Variants in LPIN1 observed in about 807,000 individuals in gnomAD.
The protein encoded by LPIN1 is lipin 1, also known as phosphatidate phosphatase LPIN1.
A neutral mutation model predicts 107.5 loss-of-function variants in LPIN1; 71 were observed. The ratio of observed to expected loss-of-function variants is 0.66; its 90% CI spans 0.55 to 0.80. LPIN1 has a LOEUF of 0.80. Among genes scored for constraint, LPIN1 ranks in the 30% least tolerant of loss-of-function variants. The pLI, the probability that LPIN1 is intolerant of heterozygous loss-of-function variation, is 0.00. For synonymous variants in LPIN1, 445 were observed against 452.6 expected (o/e 0.98, Z 0.21); for missense variants, 1,043 against 1,160.6 (o/e 0.90, Z 1.47).
chr2:11,713,651 AGAGTTCAGT>A (rs922677804), intron 1 of LPIN1: 1 of 644,224 alleles, frequency 1.6e-6, no homozygotes, highest in African/African-American at 1.8e-5. Context: ...TTCAAAATGT[AGAGTTCAGT>A]GAGTTTTTAG....
Position 11,784,914 on chromosome 2 carries a change from G to T in LPIN1, c.1387G>T (p.Ala463Ser), listed in dbSNP as rs749289176. 3.7e-6 allele frequency: 6 copies of T among 1,613,840 alleles called. No individual in the cohort carries two copies. The South Asian group carries it at 5.5e-5, about 15-fold the overall frequency. ...NGDPSGLAKHASDNGARSANQ... is the reference protein window; with the variant it reads ...NGDPSGLAKHSSDNGARSANQ... ...AGATCCTTCCGGACTCGCAAAACAT[G>T]CAAGCGACAACGGAGCCCGGTCAGC... is the stretch of plus-strand genomic sequence containing the variant. Residue 463 changes from alanine to serine, a missense_variant, in exon 10 of 21, where the codon GCA becomes TCA. Physicochemically the swap from Ala to Ser is moderately conservative, Grantham distance 99. Transcript: ENST00000674199.
intron 15 of LPIN1, 24 bp from the exon 16 acceptor site, chr2:11,804,399 A>C: frequency 6.2e-7 from 1 of 1,614,036 alleles, no homozygotes; most frequent in Non-Finnish European, 8.5e-7. Flanking sequence ...AAGCAGACAA[A>C]TACTAATGGT....
At chr2:11,748,803 G>C (rs1389726737) in intron 1 of LPIN1, among the ~76,000 whole-genome samples, 1 of 152,216 alleles carries the variant, frequency 6.6e-6, no homozygotes, top group Non-Finnish European at 1.5e-5. Context: ...AGGGGTACAG[G>C]CAGCTTTTTC....
intron 1 of LPIN1, among the ~76,000 whole-genome samples, chr2:11,727,643 T>G (rs1664792253): frequency 6.6e-6 from 1 of 152,230 alleles, no homozygotes; most frequent in Non-Finnish European, 1.5e-5. Context: ...TACATCCGTC[T>G]TATCTATTAT....
In LPIN1 at chr2:11,707,488, A is replaced by G. The variant is rs1340292922; in HGVS notation, c.82-6268A>G. ...ACTGAGCAGACCGGGGAGCACGGGA[A>G]GTTTTGAGCTGAGGAGTGGTGTGAT... On this transcript the variant is annotated intron_variant, in intron 1 of 21. Transcript: ENST00000449576. The surrounding 1 kb of genome is among the most constrained non-coding windows in gnomAD (Gnocchi z 4.2). 6.6e-6 allele frequency among the ~76,000 whole-genome samples: 1 copy of G among 152,184 alleles called. No homozygotes were observed. Among genetic ancestry groups the G allele is most frequent in the Non-Finnish European group, 1.5e-5 (1 of 68,026 alleles).
At chr2:11,773,536 G>A in intron 4 of LPIN1, 84 bp from the exon 5 acceptor site, 1 of 1,184,540 alleles carries the variant, frequency 8.4e-7, no homozygotes, top group Non-Finnish European at 1.2e-6. Context: ...AAAGCACTTA[G>A]AGCTAATCAA....
At chr2:11,690,607 A>G (rs920743716) in intron 1 of LPIN1, among the ~76,000 whole-genome samples, 5 of 152,152 alleles carry the variant, frequency 3.3e-5, no homozygotes, top group African/African-American at 1.2e-4. Flanking sequence ...ACCTCACTGT[A>G]TCCTCCATGC....
rs760412969 is a variant in LPIN1, at chr2:11,819,099, C to T, written c.2403-385C>T. The T allele has an allele frequency of 2.2e-4, 50 of 224,438 alleles. 1 individual carries two copies. The highest frequency in any genetic ancestry group is 4.5e-4 in the African/African-American group (19 of 42,536). 13.9% of individuals were successfully genotyped at this position (224,438 alleles called of 1,614,324 possible). On this transcript the variant is annotated intron_variant, in intron 18 of 20. Coordinates refer to ENST00000674199, the MANE Select transcript of LPIN1 (RefSeq NM_001349206.2). ...ATATATATATTTTAGAATTTTTGCA[C>T]GTATATTCACAAATGAGATTGGTCC...
At chr2:11,751,837 G>GCGAAACTC (rs1271366307) in intron 1 of LPIN1, among the ~76,000 whole-genome samples, 16 of 152,154 alleles carry the variant, frequency 1.1e-4, no homozygotes, top group Non-Finnish European at 2.2e-4. Flanking sequence ...GAGTAACACA[G>GCGAAACTC]CGAAACTCCG....
intron 5 of LPIN1, among the ~76,000 whole-genome samples, chr2:11,775,881 T>C (rs1411557510): frequency 6.8e-6 from 1 of 147,316 alleles, no homozygotes; most frequent in East Asian, 1.9e-4. Flanking sequence ...ATATATAATC[T>C]TATATATAAT....
chr2:11,793,895 A>G (rs1331170972), intron 13 of LPIN1, among the ~76,000 whole-genome samples: 1 of 152,178 alleles, frequency 6.6e-6, no homozygotes, highest in African/African-American at 2.4e-5. Context: ...TGGTCTCCAT[A>G]TTGGACCCAG....
chr2:11,787,448 T>C (rs1256868489), intron 11 of LPIN1, among the ~76,000 whole-genome samples: 1 of 137,718 alleles, frequency 7.3e-6, no homozygotes, highest in Non-Finnish European at 1.5e-5. Flanking sequence ...TCTCCCAGGC[T>C]GGAGTGCAGT....
chr2:11,790,451 T>C (rs191566024), intron 12 of LPIN1, among the ~76,000 whole-genome samples: 1 of 152,328 alleles, frequency 6.6e-6, no homozygotes, highest in Admixed American at 6.5e-5. Flanking sequence ...CTTGGTCACA[T>C]GATCACCACT....
chr2:11,742,675 C>A (rs150771799), upstream of LPIN1, among the ~76,000 whole-genome samples: 1 of 152,232 alleles, frequency 6.6e-6, no homozygotes, highest in African/African-American at 2.4e-5. Flanking sequence ...GTCCGCTCCT[C>A]GCACCTTGGT....
intron 1 of LPIN1, chr2:11,741,034 A>T (rs759370983): frequency 4.8e-6 from 1 of 206,766 alleles, no homozygotes; most frequent in Non-Finnish European, 9.6e-6. Context: ...TTACTTATTC[A>T]CAATTTGGGC....
chr2:11,804,052 G>C (rs1386010836), intron 15 of LPIN1, among the ~76,000 whole-genome samples: 2 of 152,206 alleles, frequency 1.3e-5, no homozygotes, highest in African/African-American at 4.8e-5. Flanking sequence ...TAGTCCTAGA[G>C]TGGTAAGTGT....
At position 11,784,009 on chromosome 2, in the gene LPIN1, A is replaced by G. The variant is rs925827896; in HGVS notation, c.1358+87A>G. The G allele has an allele frequency of 7.7e-5, 123 of 1,604,922 alleles. No homozygotes were observed. The African/African-American group carries it at 1.5e-3, about 20-fold the overall frequency. On this transcript the variant is annotated intron_variant, in intron 9 of 20. Transcript: ENST00000674199. ...CCAGTTTCCCCTTATGTTTGATTAG[A>G]AAGTGTGCAAGACAGCTGGGCGCGG... is the stretch of plus-strand genomic sequence containing the variant.
intron 12 of LPIN1, among the ~76,000 whole-genome samples, chr2:11,791,324 A>G (rs1240633737): frequency 6.6e-6 from 1 of 152,204 alleles, no homozygotes; most frequent in Admixed American, 6.5e-5. Context: ...TGTTCTTTGG[A>G]AAAACGTAGA....
chr2:11,809,113 AC>A (rs1679214784), intron 17 of LPIN1, among the ~76,000 whole-genome samples: 1 of 151,260 alleles, frequency 6.6e-6, no homozygotes, highest in East Asian at 1.9e-4. Context: ...AGATACAGGA[AC>A]CCCTTTCAGA....
Sources: gnomAD v4.1 joint callset for allele counts (sites outside exome capture counted in the v4.1 genomes callset) on GRCh38, gnomAD v4.1.1 for gene constraint, Gnocchi (gnomAD v3.1) non-coding constraint, MANE v1.5 for transcripts, NCBI Gene and HGNC (gene_info 2026-07-23, HGNC 2026-07-21) for gene names.